Variants in USP54 observed in about 807,000 individuals in gnomAD.
USP54 encodes ubiquitin carboxyl-terminal hydrolase 54.
Under a neutral mutation model 170.5 loss-of-function variants are expected in USP54, and 87 were observed. That is an observed-to-expected ratio of 0.51 (90% confidence interval 0.43 to 0.61). The LOEUF (loss-of-function observed/expected upper bound fraction) is 0.61. Among genes scored for constraint, USP54 ranks in the 20% least tolerant of loss-of-function variants. USP54 has a pLI of 0.00. For missense variants in USP54, 1,786 were observed against 2,047.8 expected (o/e 0.87, Z 2.47); for synonymous variants, 655 against 742.8 (o/e 0.88, Z 1.92).
At chr10:73,584,322 A>T (rs1466999472) in intron 1 of USP54, among the ~76,000 whole-genome samples, 1 of 152,092 alleles carries the variant, frequency 6.6e-6, no homozygotes, top group Non-Finnish European at 1.5e-5. Context: ...AGGGAGTCGG[A>T]GGTTGCAGTG....
chr10:73,555,878 C>T (rs984241081), intron 4 of USP54, among the ~76,000 whole-genome samples: 1 of 152,112 alleles, frequency 6.6e-6, no homozygotes, highest in African/African-American at 2.4e-5. Context: ...CGTACCCCTT[C>T]TATTTGAATA....
intron 20 of USP54, among the ~76,000 whole-genome samples, chr10:73,508,445 C>T (rs1288290226): frequency 6.6e-6 from 1 of 150,774 alleles, no homozygotes; most frequent in Admixed American, 6.6e-5. Context: ...GTAGAGGTGG[C>T]CATTTGTAAG....
At chr10:73,565,169 C>A (rs2073991036) in intron 4 of USP54, among the ~76,000 whole-genome samples, 1 of 152,046 alleles carries the variant, frequency 6.6e-6, no homozygotes, top group African/African-American at 2.4e-5. Context: ...AGAAATAAAT[C>A]TTTGGTATAT....
At chr10:73,530,023 T>C in intron 14 of USP54, 112 bp from the exon 15 acceptor site, 1 of 1,498,730 alleles carries the variant, frequency 6.7e-7, no homozygotes, top group South Asian at 1.4e-5. Context: ...CTCATATCCC[T>C]AAAACACCCG....
chr10:73,511,400 C>T (rs2060187116), intron 20 of USP54, among the ~76,000 whole-genome samples: 1 of 151,820 alleles, frequency 6.6e-6, no homozygotes, highest in Admixed American at 6.6e-5. Flanking sequence ...GTGGCTCACA[C>T]CTGTAATCCC....
intron 4 of USP54, among the ~76,000 whole-genome samples, chr10:73,558,031 C>G (rs1431326984): frequency 6.6e-6 from 1 of 151,112 alleles, no homozygotes; most frequent in Admixed American, 6.6e-5. Context: ...TACAGGTGCA[C>G]ACCACCACAC....
chr10:73,504,927 A>C lies in USP54; in HGVS notation c.4234T>G (p.Leu1412Val). ...CTGAGACTGCGTGAGATGCGACGTA[A>C]ATTCTCTGCACTGTACTGCTCATCC... ...GEDEQYSAEN[L>V]RRISRSLSGT... is the part of the protein sequence containing the mutation. Residue 1412 changes from leucine to valine, a missense_variant, in exon 22 of 24, where the codon TTA becomes GTA. Leu to Val is a conservative substitution (Grantham distance 32, BLOSUM62 1). Coordinates refer to ENST00000687698, the MANE Select transcript of USP54 (RefSeq NM_001391956.1). 6.2e-7 allele frequency: 1 copy of C among 1,614,058 alleles called. No homozygotes were observed. The highest frequency in any genetic ancestry group is 1.1e-5 in the South Asian group (1 of 91,072).
chr10:73,519,666 A>C, intron 19 of USP54, 131 bp downstream of exon 19: 1 of 1,405,614 alleles, frequency 7.1e-7, no homozygotes, highest in South Asian at 1.4e-5. Flanking sequence ...TCTGACCTGA[A>C]AGAAGAAAAT....
intron 16 of USP54, among the ~76,000 whole-genome samples, chr10:73,524,404 AC>A (rs1311900080): frequency 1.4e-5 from 2 of 147,812 alleles, no homozygotes; most frequent in African/African-American, 5.0e-5. Flanking sequence ...ACATGGTGAA[AC>A]CCCGTCTCTA....
intron 6 of USP54, 38 bp downstream of exon 6, chr10:73,542,980 G>A (rs777234244): frequency 3.1e-6 from 5 of 1,608,616 alleles, no homozygotes; most frequent in Middle Eastern, 3.3e-4. Context: ...AAAGTGTTCT[G>A]GAAGAAATGT....
At chr10:73,614,020 G>C (rs1353395964) in intron 1 of USP54, 5 of 151,578 alleles carry the variant, frequency 3.3e-5, no homozygotes, top group African/African-American at 1.2e-4. Context: ...GCTAGGCCAT[G>C]GAGAAACCTC....
chr10:73,598,670 G>A (rs981094005), intron 1 of USP54, among the ~76,000 whole-genome samples: 13 of 152,130 alleles, frequency 8.5e-5, no homozygotes, highest in African/African-American at 2.9e-4. Context: ...CCAGCACTTT[G>A]GGAGGCCGAG....
chr10:73,529,622 A>G (rs146302041), intron 15 of USP54, 58 bp downstream of exon 15: 788 of 1,596,128 alleles, frequency 4.9e-4, no homozygotes, highest in Non-Finnish European at 6.2e-4. Flanking sequence ...GAAAGCCCCA[A>G]GTAGGTGGCT....
intron 4 of USP54, among the ~76,000 whole-genome samples, chr10:73,567,333 T>C (rs962769677): frequency 6.6e-6 from 1 of 152,238 alleles, no homozygotes; most frequent in East Asian, 1.9e-4. Flanking sequence ...GTTGCTATTA[T>C]AAAATGCTTT....
chr10:73,540,469 C>A (rs926052706), intron 9 of USP54, among the ~76,000 whole-genome samples: 1 of 151,680 alleles, frequency 6.6e-6, no homozygotes, highest in Non-Finnish European at 1.5e-5. Flanking sequence ...ACTGGGGAGG[C>A]TGAGGCAGGA....
chr10:73,560,846 T>C (rs1253737264), intron 4 of USP54, among the ~76,000 whole-genome samples: 1 of 151,604 alleles, frequency 6.6e-6, no homozygotes, highest in East Asian at 1.9e-4. Flanking sequence ...GGCTCACACC[T>C]GTAATCCTAG....
At chr10:73,526,539 G>T in intron 16 of USP54, 108 bp downstream of exon 16, 1 of 1,495,674 alleles carries the variant, frequency 6.7e-7, no homozygotes. Context: ...GAGCCACCGC[G>T]CCCGGCCTGT....
intron 20 of USP54, among the ~76,000 whole-genome samples, chr10:73,509,569 C>T (rs1399576897): frequency 2.0e-5 from 3 of 150,844 alleles, no homozygotes; most frequent in African/African-American, 7.3e-5. Context: ...GAGTTGAGAT[C>T]ACGCCATTGT....
intron 1 of USP54, among the ~76,000 whole-genome samples, chr10:73,604,592 A>AT (rs71021554): frequency 0.9 from 127,824 of 141,638 alleles, 57,865 homozygotes; most frequent in East Asian, 0.99. Context: ...ATCTCCACAA[A>AT]TTTTTTTTTT....
Sources: allele counts gnomAD v4.1 joint callset (sites outside exome capture counted in the v4.1 genomes callset), GRCh38; gene constraint gnomAD v4.1.1; transcripts MANE v1.5; gene names NCBI Gene and HGNC (gene_info 2026-07-23, HGNC 2026-07-21).